The following ZMYM4 variants were observed in gnomAD, a reference collection of about 807,000 sequenced individuals.
ZMYM4 encodes zinc finger MYM-type containing 4, also known as zinc finger MYM-type protein 4.
A neutral mutation model predicts 183.2 loss-of-function variants in ZMYM4; 31 were observed. The ratio of observed to expected loss-of-function variants is 0.17; its 90% confidence interval spans 0.13 to 0.23. The LOEUF (loss-of-function observed/expected upper bound fraction) is 0.23, where lower values mean the gene tolerates loss of function less well. ZMYM4 is among the 10% of genes least tolerant of loss of function. ZMYM4 has a pLI of 1.00. For missense variants in ZMYM4, 1,273 were observed against 1,840.3 expected (o/e 0.69, Z 5.64); for synonymous variants, 592 against 631.2 (o/e 0.94, Z 0.93).
chr1:35,382,506 G>C (rs1419798800), intron 9 of ZMYM4, among the ~76,000 whole-genome samples: 1 of 149,100 alleles, frequency 6.7e-6, no homozygotes, highest in East Asian at 2.0e-4. Context: ...GCTGGAGTGT[G>C]ATCCCGGCTC....
chr1:35,381,849 A>G (rs1250934389), intron 9 of ZMYM4, 91 bp downstream of exon 9: 3 of 1,491,372 alleles, frequency 2.0e-6, no homozygotes, highest in Non-Finnish European at 2.7e-6. Context: ...TTGTTTTGCA[A>G]TATTGGGTTT....
At chr1:35,342,097 A>C (rs2148862538) in intron 2 of ZMYM4, among the ~76,000 whole-genome samples, 1 of 152,190 alleles carries the variant, frequency 6.6e-6, no homozygotes, top group Admixed American at 6.5e-5. Flanking sequence ...GCATTTAAAG[A>C]ATTTTATATT....
At chr1:35,415,047 C>CA (rs1441230520) in intron 27 of ZMYM4, among the ~76,000 whole-genome samples, 3 of 151,170 alleles carry the variant, frequency 2.0e-5, no homozygotes, top group Non-Finnish European at 2.9e-5. Context: ...GACCCTGTCT[C>CA]AAAAAAAAGA....
chr1:35,325,457 T>C, intron 2 of ZMYM4, 52 bp downstream of exon 2: 1 of 1,552,336 alleles, frequency 6.4e-7, no homozygotes, highest in Non-Finnish European at 8.8e-7. Context: ...AAAATGAATG[T>C]TAATCTAGAT....
chr1:35,413,924 A>T (rs547433838), intron 26 of ZMYM4, 48 bp from the exon 27 acceptor site: 2 of 1,114,754 alleles, frequency 1.8e-6, no homozygotes, highest in East Asian at 5.0e-5. Context: ...TTAAGAACTC[A>T]TGTTTTCTTT....
intron 7 of ZMYM4, among the ~76,000 whole-genome samples, chr1:35,380,301 A>T (rs1558126354): frequency 1.3e-5 from 2 of 151,330 alleles, no homozygotes; most frequent in Non-Finnish European, 2.9e-5. Flanking sequence ...GGTTTTTATT[A>T]TTTATTTATT....
rs567511460 is a variant in ZMYM4 at position 35,366,890 on chromosome 1, G to A, written c.841-3139G>A. Among the ~76,000 whole-genome samples, 26 of 152,150 alleles carry A rather than the reference G, an allele frequency of 1.7e-4. 1 individual carries two copies. In the East Asian group the frequency reaches 2.9e-3, roughly 17 times the overall value. ...ATTACAGAAATTAGCCGGGCGTGGTGGTGCATGCCTGTAATCACAGCTACT... is the reference window on the plus strand; with the variant it reads ...ATTACAGAAATTAGCCGGGCGTGGTAGTGCATGCCTGTAATCACAGCTACT... On this transcript the variant is annotated intron_variant, in intron 5 of 29. Coordinates refer to ENST00000314607, the MANE Select transcript of ZMYM4 (RefSeq NM_005095.3).
intron 2 of ZMYM4, among the ~76,000 whole-genome samples, chr1:35,333,107 C>T (rs1642825062): frequency 6.6e-6 from 1 of 152,050 alleles, no homozygotes; most frequent in Admixed American, 6.5e-5. Flanking sequence ...AATCTGCTGT[C>T]ACAGCATATA....
intron 1 of ZMYM4, among the ~76,000 whole-genome samples, chr1:35,286,495 C>T (rs996200380): frequency 1.3e-5 from 2 of 152,034 alleles, no homozygotes; most frequent in African/African-American, 2.4e-5. Flanking sequence ...GAGACCACAG[C>T]CTGAACTCAG....
chr1:35,384,081 GCTGC>G (rs1644522947), intron 9 of ZMYM4, among the ~76,000 whole-genome samples: 1 of 152,112 alleles, frequency 6.6e-6, no homozygotes, highest in South Asian at 2.1e-4. Context: ...GTTTTGAGGG[GCTGC>G]CTGTCTCCTG....
At chr1:35,361,143 A>C in intron 3 of ZMYM4, 51 bp from the exon 4 acceptor site, 1 of 1,481,730 alleles carries the variant, frequency 6.7e-7, no homozygotes, top group Non-Finnish European at 9.2e-7. Context: ...TCTTTGTAAG[A>C]TTTGTTATTC....
Position 35,370,057 on chromosome 1 carries a change from C to T in ZMYM4, c.869C>T (p.Thr290Ile). The change falls in exon 6 of 30, where the codon ACT becomes ATT. Residue 290 changes from threonine (T) to isoleucine (I), a missense_variant. This residue lies in a region of ZMYM4 where 384 missense variants were observed against 465.6 expected (regional missense o/e 0.82). Coordinates refer to ENST00000314607, the MANE Select transcript of ZMYM4 (RefSeq NM_005095.3). ...TATAGTCATGGCCAACAGCAAAAAACTCAAGAGGGGGAACTGAAAATTAGT... is the reference window on the plus strand; with the variant it reads ...TATAGTCATGGCCAACAGCAAAAAATTCAAGAGGGGGAACTGAAAATTAGT... The part of the protein sequence containing the change: ...QEYSHGQQQK[T>I]QEGELKISAV... 2 of 1,613,176 alleles carry T rather than the reference C, an allele frequency of 1.2e-6. No individual in the cohort carries two copies. Among genetic ancestry groups the T allele is most frequent in the African/African-American group, 1.3e-5 (1 of 74,976 alleles).
At position 35,359,298 on chromosome 1, in the gene ZMYM4, A is replaced by T. The variant is rs373943804; in HGVS notation, c.459A>T (p.Lys153Asn). Residue 153 changes from lysine to asparagine, a missense_variant, in exon 3 of 30, where the codon AAA becomes AAT. Lys to Asn is a moderately conservative substitution (Grantham distance 94). This residue lies in a region of ZMYM4 where 384 missense variants were observed against 465.6 expected (regional missense o/e 0.82). Transcript: ENST00000314607. ...DQVSVFKSIR[K>N]DFSLVRENSK... is the part of the protein sequence containing the mutation. ...TTTCTGTCTTTAAATCAATACGGAA[A>T]GATTTTAGTCTAGTAAGAGAAAACA... 1.9e-6 allele frequency: 3 copies of T among 1,609,642 alleles called. No individual in the cohort carries two copies. Among genetic ancestry groups the T allele is most frequent in the Non-Finnish European group, 2.5e-6 (3 of 1,178,860 alleles).
chr1:35,291,590 A>G (rs564229150), intron 1 of ZMYM4, among the ~76,000 whole-genome samples: 1 of 150,130 alleles, frequency 6.7e-6, no homozygotes, highest in Non-Finnish European at 1.5e-5. Context: ...GTCTCCAGAC[A>G]TAGCTACAGT....
intron 1 of ZMYM4, among the ~76,000 whole-genome samples, chr1:35,275,005 A>G (rs575267625): frequency 6.6e-6 from 1 of 152,172 alleles, no homozygotes; most frequent in Admixed American, 6.5e-5. Flanking sequence ...TTTATCTGGA[A>G]TGTATGGATG....
intron 7 of ZMYM4, among the ~76,000 whole-genome samples, chr1:35,372,120 T>C (rs1644227642): frequency 6.6e-6 from 1 of 152,216 alleles, no homozygotes; most frequent in Non-Finnish European, 1.5e-5. Flanking sequence ...TTTAGAACCA[T>C]GTATATTGAT....
rs57318032 is a variant in ZMYM4, at chr1:35,287,218, A to ATT, written c.39+18148_39+18149dup. Among the ~76,000 whole-genome samples the ATT allele has an allele frequency of 9.6e-5, 13 of 135,392 alleles. No individual in the cohort carries two copies. The East Asian group carries it at 2.2e-3, about 23-fold the overall frequency. 88.8% of individuals were successfully genotyped at this position (135,392 alleles called of 152,430 possible). ...TCTTCTACAATAGTGGTTTTACTTA[A>ATT]TTTTTTTTTTTTTTTTACTTAGTAT... On this transcript the variant is annotated intron_variant, in intron 1 of 29. Transcript: ENST00000314607.
intron 25 of ZMYM4, among the ~76,000 whole-genome samples, chr1:35,406,043 A>G (rs3768337): frequency 0.016 from 2,409 of 152,284 alleles, 140 homozygotes; most frequent in Admixed American, 0.12. Flanking sequence ...TACTTATACA[A>G]TCTTTATGGA....
chr1:35,392,469 G>A, intron 16 of ZMYM4, 117 bp downstream of exon 16: 1 of 1,380,860 alleles, frequency 7.2e-7, no homozygotes, highest in South Asian at 1.4e-5. Context: ...ATTAGGAATA[G>A]TGGCTTGCTG....
Sources: allele counts gnomAD v4.1 joint callset (sites outside exome capture counted in the v4.1 genomes callset), GRCh38; gene constraint gnomAD v4.1.1; regional missense constraint gnomAD v4.1.1; transcripts MANE v1.5; gene names NCBI Gene and HGNC (gene_info 2026-07-23, HGNC 2026-07-21).